Variants in PPP3CA observed in about 807,000 individuals in gnomAD.
The protein encoded by PPP3CA is protein phosphatase 3 catalytic subunit alpha, also known as CAM-PRP catalytic subunit.
A neutral mutation model predicts 66.5 loss-of-function variants in PPP3CA; 14 were observed. The observed-to-expected ratio is 0.21, with a 90% CI of 0.14 to 0.33. PPP3CA has a LOEUF of 0.33. Among genes scored for constraint, PPP3CA ranks in the 10% least tolerant of loss-of-function variants. The probability of loss-of-function intolerance (pLI) is 1.00; values close to 1 mark genes in which losing one functional copy is unlikely to be tolerated. For missense variants in PPP3CA, 317 were observed against 639.5 expected, an observed-to-expected ratio of 0.50 and a Z score of 5.44; for synonymous variants, 232 against 226.2, an observed-to-expected ratio of 1.03 and a Z score of -0.23.
intron 1 of PPP3CA, among the ~76,000 whole-genome samples, chr4:101,234,443 G>T (rs1047816703): frequency 2.0e-5 from 3 of 151,800 alleles, no homozygotes; most frequent in African/African-American, 7.3e-5. Context: ...GGTGTGAGAT[G>T]GTACCACATT....
At chr4:101,330,195 C>T (rs894548816) in intron 1 of PPP3CA, 1 of 389,198 alleles carries the variant, frequency 2.6e-6, no homozygotes, top group Admixed American at 4.4e-5. Flanking sequence ...GAATTTAAGC[C>T]TTCAGAGGAG....
intron 1 of PPP3CA, among the ~76,000 whole-genome samples, chr4:101,249,113 T>C (rs1321538378): frequency 6.6e-6 from 1 of 151,748 alleles, no homozygotes; most frequent in Non-Finnish European, 1.5e-5. Flanking sequence ...TGAGCCGAGA[T>C]TGCACCACTG....
intron 2 of PPP3CA, among the ~76,000 whole-genome samples, chr4:101,190,752 T>A (rs1724574120): frequency 6.6e-6 from 1 of 152,210 alleles, no homozygotes; most frequent in Admixed American, 6.5e-5. Context: ...ACATAAACTC[T>A]ATGTCCCAAA....
At chr4:101,164,146 A>G (rs1413443033) in intron 2 of PPP3CA, among the ~76,000 whole-genome samples, 1 of 33,466 alleles carries the variant, frequency 3.0e-5, no homozygotes, top group Non-Finnish European at 6.0e-5. Context: ...ACCTATTTCA[A>G]GTCTGCTCAA....
chr4:101,041,621 G>T (rs1202793684), intron 10 of PPP3CA, among the ~76,000 whole-genome samples: 1 of 151,628 alleles, frequency 6.6e-6, no homozygotes, highest in Non-Finnish European at 1.5e-5. Flanking sequence ...TTTTAGTAGA[G>T]ACAGGCTTCA....
At chr4:101,339,055 CT>C (rs1729726473) in intron 1 of PPP3CA, among the ~76,000 whole-genome samples, 1 of 152,160 alleles carries the variant, frequency 6.6e-6, no homozygotes. Flanking sequence ...TTAGTGCCAC[CT>C]TTTTCTTAAC....
chr4:101,149,844 G>A (rs1723082400), intron 2 of PPP3CA, among the ~76,000 whole-genome samples: 1 of 152,118 alleles, frequency 6.6e-6, no homozygotes, highest in African/African-American at 2.4e-5. Context: ...TCTGCAATGA[G>A]CAAAACCACA....
At chr4:101,209,887 G>A (rs2174680) in intron 1 of PPP3CA, among the ~76,000 whole-genome samples, 79,376 of 151,864 alleles carry the variant, frequency 0.52, 21,323 homozygotes, top group Middle Eastern at 0.66. Context: ...TATTAAAAGA[G>A]AACACATAGA....
Position 101,061,127 on chromosome 4 carries a change from G to A in PPP3CA, c.1116C>T (p.Cys372=). The change falls in exon 10 of 14, where the codon TGC becomes TGT. Residue 372 remains cysteine (C), a synonymous_variant. Transcript: ENST00000394854. The part of the protein sequence containing the change: ...TEMLVNVLNI[C]SDDELGSEED... ...CTTCTGACCCTAGTTCATCATCTGA[G>A]CAGATGTTGAGGACATTTACCAGCA... 5.6e-6 allele frequency: 9 copies of A among 1,612,348 alleles called. No homozygotes were observed. The Middle Eastern group carries it at 1.2e-3, about 207-fold the overall frequency.
intron 2 of PPP3CA, among the ~76,000 whole-genome samples, chr4:101,125,512 C>T (rs1337674644): frequency 6.6e-6 from 1 of 152,124 alleles, no homozygotes; most frequent in East Asian, 1.9e-4. Context: ...TGCATACTGA[C>T]TGGCCAGTTT....
chr4:101,317,383 C>A (rs375154311), intron 1 of PPP3CA, among the ~76,000 whole-genome samples: 1 of 152,068 alleles, frequency 6.6e-6, no homozygotes, highest in Non-Finnish European at 1.5e-5. Context: ...ATGTTTCCTT[C>A]CATTTTACAT....
chr4:101,086,357 A>G (rs944230466), intron 6 of PPP3CA, among the ~76,000 whole-genome samples: 8 of 152,128 alleles, frequency 5.3e-5, no homozygotes, highest in Admixed American at 3.3e-4. Context: ...GGTAGAAAAG[A>G]AAAAAATGTA....
intron 2 of PPP3CA, among the ~76,000 whole-genome samples, chr4:101,188,783 G>A (rs1724493970): frequency 6.6e-6 from 1 of 152,076 alleles, no homozygotes; most frequent in South Asian, 2.1e-4. Context: ...ACAAAATACA[G>A]GAGAAGAATA....
chr4:101,124,763 G>GA (rs1415992360), intron 2 of PPP3CA, among the ~76,000 whole-genome samples: 2 of 127,890 alleles, frequency 1.6e-5, no homozygotes, highest in South Asian at 2.7e-4. Context: ...AAGAAAGAAA[G>GA]AAAGAAAGAA....
At chr4:101,224,351 CT>C (rs1560667387) in intron 1 of PPP3CA, among the ~76,000 whole-genome samples, 1 of 151,738 alleles carries the variant, frequency 6.6e-6, no homozygotes, top group Non-Finnish European at 1.5e-5. Context: ...TGTTGTACCC[CT>C]ACTCCTCCTT....
intron 1 of PPP3CA, among the ~76,000 whole-genome samples, chr4:101,243,992 T>C (rs768245848): frequency 6.6e-6 from 1 of 152,178 alleles, no homozygotes; most frequent in Non-Finnish European, 1.5e-5. Context: ...TTGGTATCTT[T>C]TTTACAGAAC....
chr4:101,096,922 A>G (rs910230279), intron 5 of PPP3CA, among the ~76,000 whole-genome samples: 3 of 152,170 alleles, frequency 2.0e-5, no homozygotes, highest in African/African-American at 7.2e-5. Context: ...AGACTTAGCA[A>G]TCAAGTTTCC....
intron 10 of PPP3CA, among the ~76,000 whole-genome samples, chr4:101,049,166 CTT>C (rs1727901940): frequency 6.6e-6 from 1 of 152,084 alleles, no homozygotes; most frequent in Non-Finnish European, 1.5e-5. Flanking sequence ...ATTCCATGCA[CTT>C]TTGTTCTCTA....
chr4:101,318,045 A>T (rs1728933333), intron 1 of PPP3CA, among the ~76,000 whole-genome samples: 1 of 152,244 alleles, frequency 6.6e-6, no homozygotes, highest in African/African-American at 2.4e-5. Context: ...CTTAAAAAAT[A>T]GTTGTAGTGT....
Sources: allele counts gnomAD v4.1 joint callset (sites outside exome capture counted in the v4.1 genomes callset), GRCh38; gene constraint gnomAD v4.1.1; transcripts MANE v1.5; gene names NCBI Gene and HGNC (gene_info 2026-07-23, HGNC 2026-07-21).